The following VPS13C variants were observed in gnomAD, a reference collection of about 807,000 sequenced individuals.
The protein encoded by VPS13C is vacuolar protein sorting 13 homolog C.
VPS13C carries 358 observed loss-of-function variants against 456.8 expected under a neutral mutation model. The ratio of observed to expected loss-of-function variants is 0.78; its 90% CI spans 0.72 to 0.86. VPS13C has a LOEUF of 0.86. Ranked by LOEUF, VPS13C falls within the 40% of genes least tolerant of loss-of-function variation. The pLI is 0.00. For synonymous variants in VPS13C, 1,578 were observed against 1,486.7 expected (o/e 1.06, Z -1.41); for missense variants, 4,818 against 4,385.4 (o/e 1.10, Z -2.79).
intron 9 of VPS13C, among the ~76,000 whole-genome samples, chr15:62,017,373 T>C (rs1399244546): frequency 6.6e-6 from 1 of 152,172 alleles, no homozygotes; most frequent in Non-Finnish European, 1.5e-5. Flanking sequence ...GCCTATGTCC[T>C]GAATGGTATT....
chr15:62,037,285 AT>A (rs1374335731), intron 3 of VPS13C, among the ~76,000 whole-genome samples: 50 of 72,434 alleles, frequency 6.9e-4, no homozygotes, highest in African/African-American at 2.8e-3. Flanking sequence ...TATATTATAT[AT>A]ATTATATTAT....
chr15:61,876,955 A>C lies in VPS13C; in HGVS notation c.10224+18T>G. On this transcript the variant is annotated intron_variant, in intron 75 of 84. Coordinates refer to ENST00000644861, the MANE Select transcript of VPS13C (RefSeq NM_020821.3). Reference sequence around the variant, plus strand: ...TTATGAAGTATATTCCTTATGAAATACTATGATAGGAAATTACCTGTTCAC... The same window carrying C: ...TTATGAAGTATATTCCTTATGAAATCCTATGATAGGAAATTACCTGTTCAC... 1 of 1,565,942 alleles carries C rather than the reference A, an allele frequency of 6.4e-7. No homozygotes were observed.
Position 61,987,511 on chromosome 15 carries a change from G to C in VPS13C, c.1579-2512C>G, listed in dbSNP as rs545883621. On this transcript the variant is annotated intron_variant, in intron 18 of 84. Transcript: ENST00000644861. ...CTCATGAGAATTAACTCACTATCAC[G>C]ACAACAGTATCGGAGAAACCAACCC... 4.4e-4 allele frequency among the ~76,000 whole-genome samples: 67 copies of C among 152,194 alleles called. 1 individual carries two copies. Among genetic ancestry groups the C allele is most frequent in the African/African-American group, 1.4e-3 (59 of 41,538 alleles).
intron 65 of VPS13C, 107 bp from the exon 66 acceptor site, chr15:61,907,497 G>A (rs772662436): frequency 7.2e-7 from 1 of 1,396,688 alleles, no homozygotes; most frequent in Non-Finnish European, 9.6e-7. Flanking sequence ...CGAAATTGCT[G>A]TGGTTAATAA....
intron 1 of VPS13C, among the ~76,000 whole-genome samples, chr15:62,059,451 A>T (rs1224297253): frequency 6.6e-6 from 1 of 152,232 alleles, no homozygotes; most frequent in African/African-American, 2.4e-5. Flanking sequence ...CACGTAATTC[A>T]TGCAAACGAT....
Position 61,961,438 on chromosome 15 carries a change from CACACAA to C in VPS13C, c.3908+145_3908+150del, listed in dbSNP as rs2045202820. On this transcript the variant is annotated intron_variant, in intron 35 of 84. Transcript: ENST00000644861. Reference sequence around the variant, plus strand: ...ACACACACACACACACACACACACACACACAAAACAATGACAACAATAAAAAAAACT... The same window carrying C: ...ACACACACACACACACACACACACACAACAATGACAACAATAAAAAAAACT... 16 of 531,310 alleles carry C rather than the reference CACACAA, an allele frequency of 3.0e-5. No homozygotes were observed. In the South Asian group the frequency reaches 3.0e-4, roughly 10 times the overall value. The allele number at this position is 531,310 out of a possible 1,614,324, so 32.9% of individuals were successfully genotyped here.
At chr15:61,927,836 T>G (rs543237296) in intron 51 of VPS13C, among the ~76,000 whole-genome samples, 1 of 152,108 alleles carries the variant, frequency 6.6e-6, no homozygotes, top group Non-Finnish European at 1.5e-5. Context: ...AAATGGCACA[T>G]ATACACCATG....
chr15:62,016,134 C>T (rs1242225626), intron 9 of VPS13C, among the ~76,000 whole-genome samples: 1 of 151,382 alleles, frequency 6.6e-6, no homozygotes, highest in African/African-American at 2.4e-5. Context: ...CCTTCTTTTT[C>T]TGTTTCTCTG....
At chr15:61,914,947 G>A (rs2043421393) in intron 61 of VPS13C, among the ~76,000 whole-genome samples, 1 of 132,966 alleles carries the variant, frequency 7.5e-6, no homozygotes, top group Non-Finnish European at 1.6e-5. Flanking sequence ...TGAAATTTGA[G>A]AACCACTACT....
rs73428682 is a variant in VPS13C, at chr15:61,870,086, T to C, written c.10625-463A>G. On this transcript the variant is annotated intron_variant, in intron 79 of 84. Transcript: ENST00000644861. Reference sequence around the variant, plus strand: ...AATGCAATTCATATACCATAAAATTTACCATTTAAAATGTACAAATTAAAT... The same window carrying C: ...AATGCAATTCATATACCATAAAATTCACCATTTAAAATGTACAAATTAAAT... Among the ~76,000 whole-genome samples, 539 of 152,376 alleles carry C rather than the reference T, an allele frequency of 3.5e-3. 2 individuals are homozygous for C. Among genetic ancestry groups the C allele is most frequent in the African/African-American group, 0.012 (517 of 41,590 alleles).
chr15:61,925,433 C>A, intron 53 of VPS13C, 23 bp downstream of exon 53: 2 of 1,399,692 alleles, frequency 1.4e-6, no homozygotes, highest in South Asian at 1.4e-5. Flanking sequence ...AATTTTCACT[C>A]AAAGAATATG....
chr15:61,864,357 C>T (rs2140852055), intron 81 of VPS13C: 3 of 894,326 alleles, frequency 3.4e-6, no homozygotes, highest in Non-Finnish European at 4.0e-6. Flanking sequence ...CTCAAAAGTA[C>T]TGTGACTTGA....
At chr15:62,022,775 A>G (rs2047508254) in intron 8 of VPS13C, among the ~76,000 whole-genome samples, 1 of 151,996 alleles carries the variant, frequency 6.6e-6, no homozygotes, top group Non-Finnish European at 1.5e-5. Context: ...AAACGAAAAA[A>G]TTCAAGTTCT....
intron 67 of VPS13C, 26 bp downstream of exon 67, chr15:61,890,139 G>T: frequency 6.2e-7 from 1 of 1,607,438 alleles, no homozygotes; most frequent in Non-Finnish European, 8.5e-7. Context: ...AAAGGTTTAG[G>T]ATGTCTTATT....
intron 3 of VPS13C, among the ~76,000 whole-genome samples, chr15:62,037,411 TATA>T (rs1350703366): frequency 1.3e-4 from 12 of 92,022 alleles, no homozygotes; most frequent in African/African-American, 3.4e-4. Flanking sequence ...TATAAATATA[TATA>T]ATATGTTATA....
chr15:61,870,044 T>C (rs8032681), intron 79 of VPS13C, among the ~76,000 whole-genome samples: 58,347 of 152,020 alleles, frequency 0.38, 11,715 homozygotes, highest in Non-Finnish European at 0.43. Flanking sequence ...TAAAAAAATA[T>C]ATAACAACTT....
chr15:61,909,647 C>T (rs377157118), intron 64 of VPS13C, among the ~76,000 whole-genome samples: 1 of 152,124 alleles, frequency 6.6e-6, no homozygotes, highest in East Asian at 1.9e-4. Flanking sequence ...TATCTCAAAG[C>T]AAATTTTAAA....
chr15:61,949,181 T>C (rs1345194994), intron 42 of VPS13C, among the ~76,000 whole-genome samples: 1 of 152,136 alleles, frequency 6.6e-6, no homozygotes, highest in African/African-American at 2.4e-5. Context: ...CACATCAACA[T>C]AAAGTACATA....
rs149417696 is a variant in VPS13C at position 61,973,476 on chromosome 15, T to C, written c.2595A>G (p.Leu865=). Residue 865 remains leucine, a synonymous_variant, in exon 26 of 85, where the codon CTA becomes CTG. Coordinates refer to ENST00000644861, the MANE Select transcript of VPS13C (RefSeq NM_020821.3). ...TACCTGATTCCACAGTGTCTAGCAA[T>C]AGTGAAGTACCAAGTAGACCTTTTG... is the stretch of plus-strand genomic sequence containing the variant. The part of the protein sequence containing the change: ...GGTKGLLGTS[L]LLDTVESESD... 9.2e-5 allele frequency: 149 copies of C among 1,612,330 alleles called. No individual in the cohort carries two copies. Among genetic ancestry groups the C allele is most frequent in the Middle Eastern group, 5.0e-4 (3 of 6,042 alleles).
Sources: gnomAD v4.1 joint callset for allele counts (sites outside exome capture counted in the v4.1 genomes callset) on GRCh38, gnomAD v4.1.1 for gene constraint, MANE v1.5 for transcripts, NCBI Gene and HGNC (gene_info 2026-07-23, HGNC 2026-07-21) for gene names.